APBA2: variants seen among roughly 807,000 people sequenced by gnomAD.
APBA2 encodes amyloid beta precursor protein binding family A member 2.
In APBA2, 30 loss-of-function variants were observed where a neutral mutation model predicts 75.0. The ratio of observed to expected loss-of-function variants is 0.40; its 90% CI spans 0.30 to 0.54. The LOEUF (loss-of-function observed/expected upper bound fraction) is 0.54. Among genes scored for constraint, APBA2 ranks in the 20% least tolerant of loss-of-function variants. The pLI is 0.49. For missense variants in APBA2, 801 were observed against 1,016.1 expected (o/e 0.79, Z 2.88); for synonymous variants, 444 against 409.6 (o/e 1.08, Z -1.01).
At chr15:28,949,593 C>A (rs866957371) in intron 2 of APBA2, among the ~76,000 whole-genome samples, 1 of 152,150 alleles carries the variant, frequency 6.6e-6, no homozygotes, top group Non-Finnish European at 1.5e-5. Context: ...CTCAGCCTCC[C>A]AATTAGATGG....
chr15:28,989,194 T>C (rs1359628556), intron 2 of APBA2, among the ~76,000 whole-genome samples: 1 of 152,234 alleles, frequency 6.6e-6, no homozygotes, highest in Non-Finnish European at 1.5e-5. Flanking sequence ...ACCATAAATA[T>C]CTTTTTTCTT....
At chr15:28,976,852 C>CT (rs1178492557) in intron 2 of APBA2, among the ~76,000 whole-genome samples, 7 of 152,276 alleles carry the variant, frequency 4.6e-5, no homozygotes, top group Admixed American at 1.3e-4. Context: ...GCATCTCATC[C>CT]TTTTCTCTTT....
rs572356005 is a variant in APBA2 at position 28,925,931 on chromosome 15, C to G, written c.-95+4182C>G. Among the ~76,000 whole-genome samples, 4 of 152,224 alleles carry G rather than the reference C, an allele frequency of 2.6e-5. No individual in the cohort carries two copies. In the South Asian group the frequency reaches 8.3e-4, roughly 32 times the overall value. On this transcript the variant is annotated intron_variant, in intron 2 of 14. Transcript: ENST00000683413. Reference sequence around the variant, plus strand: ...TTTTTCTCTCATTATGTAATGTCGCCTCTTTATCCCTGATAATTTTCCTTG... The same window carrying G: ...TTTTTCTCTCATTATGTAATGTCGCGTCTTTATCCCTGATAATTTTCCTTG...
rs145994554 is a variant in APBA2, at chr15:29,044,847, G to A, written c.-40-8998G>A. ...ATCAAAAAACACCATAGACTTGGTG[G>A]CTCCAACAGCAGACATTTATTTCTC... On this transcript the variant is annotated intron_variant, in intron 3 of 14. Transcript: ENST00000683413. Among the ~76,000 whole-genome samples, 492 of 152,284 alleles carry A rather than the reference G, an allele frequency of 3.2e-3. 8 individuals carry two copies. The highest frequency in any genetic ancestry group is 0.011 in the African/African-American group (473 of 41,552).
chr15:29,097,516 C>G (rs138437603), intron 8 of APBA2, among the ~76,000 whole-genome samples: 24 of 152,322 alleles, frequency 1.6e-4, no homozygotes, highest in African/African-American at 5.3e-4. Flanking sequence ...AATTGCCGAG[C>G]CTTCCTTCGA....
At chr15:29,033,854 A>G (rs1474532099) in intron 3 of APBA2, among the ~76,000 whole-genome samples, 1 of 150,702 alleles carries the variant, frequency 6.6e-6, no homozygotes, top group Non-Finnish European at 1.5e-5. Flanking sequence ...AGTCCCAGCT[A>G]CTCGGGAAGC....
At chr15:29,112,787 T>TG (rs2044805931) in intron 13 of APBA2, among the ~76,000 whole-genome samples, 1 of 152,188 alleles carries the variant, frequency 6.6e-6, no homozygotes, top group Non-Finnish European at 1.5e-5. Context: ...CAGGCAGCCA[T>TG]GGCCACTGCG....
intron 13 of APBA2, among the ~76,000 whole-genome samples, chr15:29,112,354 C>T (rs1217556799): frequency 6.6e-6 from 1 of 152,214 alleles, no homozygotes; most frequent in African/African-American, 2.4e-5. Flanking sequence ...TGCTTAGCAC[C>T]CAGAGCGAGC....
intron 4 of APBA2, among the ~76,000 whole-genome samples, chr15:29,056,956 G>A (rs2041926770): frequency 6.6e-6 from 1 of 152,010 alleles, no homozygotes; most frequent in African/African-American, 2.4e-5. Context: ...TGCCTTGCTT[G>A]AAATAACAAC....
At chr15:29,091,598 T>C (rs2043575703) in intron 6 of APBA2, among the ~76,000 whole-genome samples, 1 of 152,214 alleles carries the variant, frequency 6.6e-6, no homozygotes, top group African/African-American at 2.4e-5. Context: ...TTTGCCCTCT[T>C]GGGCAGCTTT....
In APBA2 at chr15:29,117,722, A is replaced by ATATT. The variant is rs1025276005; in HGVS notation, c.*596_*599dup. Reference sequence around the variant, plus strand: ...ATGATGGCCACAACATGAAAACTCCATATTTATTTAGATGCTATTATTACT... The same window carrying ATATT: ...ATGATGGCCACAACATGAAAACTCCATATTTATTTATTTAGATGCTATTATTACT... On this transcript the variant is annotated 3_prime_UTR_variant, in exon 15 of 15. Transcript: ENST00000683413. 2.6e-5 allele frequency: 4 copies of ATATT among 155,810 alleles called. No individual in the cohort carries two copies. Among genetic ancestry groups the ATATT allele is most frequent in the African/African-American group, 9.7e-5 (4 of 41,088 alleles). 9.7% of individuals were successfully genotyped at this position (155,810 alleles called of 1,614,324 possible). A position where few individuals can be genotyped will look rare whatever the true frequency, so the allele number is the denominator to read the frequency against.
At chr15:29,025,263 ATTT>A (rs199811660) in intron 3 of APBA2, among the ~76,000 whole-genome samples, 49,637 of 137,982 alleles carry the variant, frequency 0.36, 13,296 homozygotes, top group African/African-American at 0.73. Flanking sequence ...AAGAATTGGG[ATTT>A]TTTTTTTTTT....
chr15:29,003,240 A>C (rs2152804358), intron 3 of APBA2, among the ~76,000 whole-genome samples: 1 of 152,292 alleles, frequency 6.6e-6, no homozygotes, highest in East Asian at 1.9e-4. Context: ...GAGTCTCTAC[A>C]GAGAGATGAC....
In APBA2 at chr15:29,113,914, G is replaced by A; in HGVS notation, c.2076G>A (p.Gly692=). The change falls in exon 14 of 15, where the codon GGG becomes GGA. Residue 692 remains glycine (G), a synonymous_variant. Coordinates refer to ENST00000683413, the MANE Select transcript of APBA2 (RefSeq NM_001353788.2). ...TGAGAGGGGGCATTGCTGAGCGAGGGGGCGTCCGTGTGGGCCACCGCATCA... is the reference window on the plus strand; with the variant it reads ...TGAGAGGGGGCATTGCTGAGCGAGGAGGCGTCCGTGTGGGCCACCGCATCA... ...SLMRGGIAER[G]GVRVGHRIIE... is the part of the protein sequence containing the mutation. 1 of 1,613,024 alleles carries A rather than the reference G, an allele frequency of 6.2e-7. No homozygotes were observed. Among genetic ancestry groups the A allele is most frequent in the South Asian group, 1.1e-5 (1 of 91,076 alleles).
At chr15:29,113,517 T>C in intron 13 of APBA2, among the ~76,000 whole-genome samples, 2 of 152,064 alleles carry the variant, frequency 1.3e-5, no homozygotes, top group East Asian at 1.9e-4. Flanking sequence ...GTGCCTGTCT[T>C]CCAGGATGGT....
intron 2 of APBA2, among the ~76,000 whole-genome samples, chr15:28,959,459 G>T (rs73368720): frequency 0.025 from 3,772 of 152,290 alleles, 157 homozygotes; most frequent in East Asian, 0.17. Context: ...CTTGTAAGAA[G>T]AGATTCAGAC....
At chr15:28,909,270 T>A (rs1325413227) in intron 1 of APBA2, among the ~76,000 whole-genome samples, 1 of 152,098 alleles carries the variant, frequency 6.6e-6, no homozygotes, top group African/African-American at 2.4e-5. Context: ...GATTACAGGC[T>A]TGAGCCACCG....
intron 3 of APBA2, among the ~76,000 whole-genome samples, chr15:29,004,302 G>T (rs2046832): frequency 0.078 from 11,928 of 152,200 alleles, 639 homozygotes; most frequent in East Asian, 0.27. Flanking sequence ...ACCCCTGGTT[G>T]CCCCCTTCCT....
intron 2 of APBA2, among the ~76,000 whole-genome samples, chr15:28,944,348 C>T (rs1229751083): frequency 6.6e-6 from 1 of 152,184 alleles, no homozygotes; most frequent in African/African-American, 2.4e-5. Context: ...GAAAATTGCT[C>T]CGGCCCTTGG....
Sources: allele counts gnomAD v4.1 joint callset (sites outside exome capture counted in the v4.1 genomes callset), GRCh38; gene constraint gnomAD v4.1.1; transcripts MANE v1.5; gene names NCBI Gene and HGNC (gene_info 2026-07-23, HGNC 2026-07-21).